Variants in EXOC4 observed in about 807,000 individuals in gnomAD.
EXOC4 encodes the protein exocyst complex component 4.
In EXOC4, 71 loss-of-function variants were observed where a neutral mutation model predicts 107.2. The observed-to-expected ratio is 0.66, with a 90% CI of 0.55 to 0.81. The LOEUF (loss-of-function observed/expected upper bound fraction) is 0.81, where lower values mean the gene tolerates loss of function less well. Among genes scored for constraint, EXOC4 ranks in the 30% least tolerant of loss-of-function variants. The pLI is 0.00. For missense variants in EXOC4, 1,108 were observed against 1,189.6 expected (o/e 0.93, Z 1.01); for synonymous variants, 456 against 441.2 (o/e 1.03, Z -0.42).
At chr7:133,481,265 G>C (rs1489922014) in intron 9 of EXOC4, among the ~76,000 whole-genome samples, 1 of 152,044 alleles carries the variant, frequency 6.6e-6, no homozygotes, top group East Asian at 1.9e-4. Context: ...ATATCAGGAA[G>C]TAAATACTAA....
chr7:133,792,942 T>C (rs1398426852), intron 10 of EXOC4, among the ~76,000 whole-genome samples: 1 of 152,176 alleles, frequency 6.6e-6, no homozygotes, highest in Non-Finnish European at 1.5e-5. Flanking sequence ...TGAGTCATCC[T>C]CCCAGGCTGC....
chr7:133,370,428 A>G (rs1019771291), intron 6 of EXOC4, among the ~76,000 whole-genome samples: 8 of 152,118 alleles, frequency 5.3e-5, no homozygotes, highest in Admixed American at 4.6e-4. Flanking sequence ...CTTCTGGGTC[A>G]TAGATAGATA....
At chr7:133,706,684 G>A (rs1039747032) in intron 10 of EXOC4, among the ~76,000 whole-genome samples, 4 of 151,910 alleles carry the variant, frequency 2.6e-5, no homozygotes. Context: ...TTTCATATCA[G>A]GTCTTAGAAA....
At position 133,833,185 on chromosome 7, in the gene EXOC4, C is replaced by T. The variant is rs150273129; in HGVS notation, c.1734+15641C>T. Among the ~76,000 whole-genome samples, 922 of 151,548 alleles carry T rather than the reference C, an allele frequency of 6.1e-3. 5 individuals carry two copies. The highest frequency in any genetic ancestry group is 0.024 in the Middle Eastern group (7 of 294). On this transcript the variant is annotated intron_variant, in intron 11 of 17. Coordinates refer to ENST00000253861, the MANE Select transcript of EXOC4 (RefSeq NM_021807.4). ...AAAACTTAACACAATGATTTTTCTT[C>T]TTCCAACTCAAATAATAGGAGAGAA...
intron 10 of EXOC4, among the ~76,000 whole-genome samples, chr7:133,809,747 T>C (rs973883965): frequency 1.3e-5 from 2 of 152,186 alleles, no homozygotes; most frequent in African/African-American, 4.8e-5. Context: ...AGTCAGGAGA[T>C]AGCAAAGTGA....
At position 133,973,999 on chromosome 7, in the gene EXOC4, C is replaced by T. The variant is rs567084826; in HGVS notation, c.2207-23493C>T. Among the ~76,000 whole-genome samples, 3 of 152,296 alleles carry T rather than the reference C, an allele frequency of 2.0e-5. No individual in the cohort carries two copies. In the South Asian group the frequency reaches 6.2e-4, roughly 32 times the overall value. On this transcript the variant is annotated intron_variant, in intron 14 of 17. Transcript: ENST00000253861. ...AAACTCAGCCTTTTCATAACTAACCCACTCCTGCTATGATGGCCTTAATCC... is the reference window on the plus strand; with the variant it reads ...AAACTCAGCCTTTTCATAACTAACCTACTCCTGCTATGATGGCCTTAATCC...
chr7:133,276,448 TCATCTC>T (rs1468580855), intron 2 of EXOC4, among the ~76,000 whole-genome samples: 1 of 152,226 alleles, frequency 6.6e-6, no homozygotes, highest in Non-Finnish European at 1.5e-5. Context: ...TTATGTCCAA[TCATCTC>T]AATGAATTTA....
intron 11 of EXOC4, among the ~76,000 whole-genome samples, chr7:133,863,990 G>A (rs1798586591): frequency 6.6e-6 from 1 of 152,050 alleles, no homozygotes; most frequent in African/African-American, 2.4e-5. Flanking sequence ...TGTTGATTCT[G>A]GAATTTGTTA....
intron 7 of EXOC4, among the ~76,000 whole-genome samples, chr7:133,413,346 T>C (rs1480389200): frequency 6.6e-6 from 1 of 152,088 alleles, no homozygotes; most frequent in Admixed American, 6.6e-5. Context: ...CCAGGGGGCA[T>C]TCTTAATTAA....
At chr7:133,302,915 C>T (rs1429254304) in intron 3 of EXOC4, among the ~76,000 whole-genome samples, 1 of 152,124 alleles carries the variant, frequency 6.6e-6, no homozygotes, top group Admixed American at 6.5e-5. Flanking sequence ...TGACCACTTC[C>T]CATACATTAA....
At chr7:133,804,460 G>A (rs991347827) in intron 10 of EXOC4, among the ~76,000 whole-genome samples, 1 of 152,076 alleles carries the variant, frequency 6.6e-6, no homozygotes, top group Admixed American at 6.5e-5. Flanking sequence ...CATAAACTAA[G>A]TTCAGCAATA....
intron 9 of EXOC4, among the ~76,000 whole-genome samples, chr7:133,615,988 ATCAG>A (rs893022223): frequency 1.3e-5 from 2 of 152,246 alleles, no homozygotes; most frequent in East Asian, 1.9e-4. Flanking sequence ...ACTGTTTTTG[ATCAG>A]TCAAACGTAG....
chr7:133,670,855 T>A (rs1386517880), intron 10 of EXOC4, among the ~76,000 whole-genome samples: 1 of 152,022 alleles, frequency 6.6e-6, no homozygotes, highest in Non-Finnish European at 1.5e-5. Context: ...TTTCATGGAG[T>A]GGACATTCTA....
At chr7:133,678,087 A>G (rs567079439) in intron 10 of EXOC4, among the ~76,000 whole-genome samples, 21 of 152,360 alleles carry the variant, frequency 1.4e-4, no homozygotes, top group African/African-American at 4.8e-4. Flanking sequence ...TAAAGCTGCT[A>G]TATAAAAAAG....
chr7:133,537,630 T>C (rs1563100677), intron 9 of EXOC4, among the ~76,000 whole-genome samples: 1 of 152,188 alleles, frequency 6.6e-6, no homozygotes, highest in Non-Finnish European at 1.5e-5. Flanking sequence ...CCCACCATGG[T>C]CAGTGACTGT....
intron 5 of EXOC4, among the ~76,000 whole-genome samples, chr7:133,346,274 G>A (rs770869385): frequency 2.0e-5 from 3 of 152,030 alleles, no homozygotes; most frequent in Non-Finnish European, 4.4e-5. Flanking sequence ...CACCTGGCCT[G>A]TGGAGCGCAT....
intron 8 of EXOC4, among the ~76,000 whole-genome samples, chr7:133,478,207 G>C (rs1355476177): frequency 6.6e-6 from 1 of 150,660 alleles, no homozygotes; most frequent in East Asian, 1.9e-4. Flanking sequence ...AGGCTTTAGG[G>C]TTTAAAGTTC....
chr7:134,061,856 G>A (rs4728309), intron 17 of EXOC4, among the ~76,000 whole-genome samples: 25,820 of 152,100 alleles, frequency 0.17, 2,463 homozygotes, highest in Middle Eastern at 0.24. Flanking sequence ...GCAGCATCAA[G>A]TTTTTCTTAG....
chr7:133,353,279 C>T (rs544403804), intron 5 of EXOC4, among the ~76,000 whole-genome samples: 5 of 152,142 alleles, frequency 3.3e-5, no homozygotes, highest in South Asian at 2.1e-4. Context: ...TTCATTTTAA[C>T]GTGCAGGACT....
Sources: gnomAD v4.1 joint callset for allele counts (sites outside exome capture counted in the v4.1 genomes callset) on GRCh38, gnomAD v4.1.1 for gene constraint, MANE v1.5 for transcripts, NCBI Gene and HGNC (gene_info 2026-07-23, HGNC 2026-07-21) for gene names.